MGAT1: variants seen among roughly 807,000 people sequenced by gnomAD.
The protein encoded by MGAT1 is N-glycosyl-oligosaccharide-glycoprotein N-acetylglucosaminyltransferase I.
A neutral mutation model predicts 31.7 loss-of-function variants in MGAT1; 14 were observed. The observed-to-expected ratio is 0.44, with a 90% CI of 0.29 to 0.69. The LOEUF is 0.69. Among genes scored for constraint, MGAT1 ranks in the 30% least tolerant of loss-of-function variants. The probability of loss-of-function intolerance (pLI) is 0.12; values close to 1 mark genes in which losing one functional copy is unlikely to be tolerated. For synonymous variants in MGAT1, 338 were observed against 276.0 expected, an observed-to-expected ratio of 1.22 and a Z score of -2.23; for missense variants, 557 against 626.0, an observed-to-expected ratio of 0.89 and a Z score of 1.18.
intron 1 of MGAT1, chr5:180,809,242 C>G (rs956084041): frequency 6.6e-6 from 1 of 152,142 alleles, no homozygotes; most frequent in East Asian, 1.9e-4. Flanking sequence ...ACTTAACTCA[C>G]GTATCACACG....
chr5:180,792,198 G>T lies in MGAT1; in HGVS notation c.774C>A (p.Leu258=). The T allele has an allele frequency of 6.2e-7, 1 of 1,613,118 alleles. No individual in the cohort carries two copies. The highest frequency in any genetic ancestry group is 8.5e-7 in the Non-Finnish European group (1 of 1,180,000). ...QMVDASRPEL[L]YRTDFFPGLG... ...GGCCAGGGAAAAAGTCGGTGCGGTA[G>T]AGCAGCTCAGGCCTGCTGGCGTCCA... Residue 258 remains leucine, a synonymous_variant, in exon 2 of 2, where the codon CTC becomes CTA. Coordinates refer to ENST00000307826, the MANE Select transcript of MGAT1 (RefSeq NM_002406.4).
upstream of MGAT1, chr5:180,802,980 A>G (rs1429305731): frequency 6.6e-6 from 1 of 150,398 alleles, no homozygotes; most frequent in Non-Finnish European, 1.5e-5. Context: ...CTTCTCAGTC[A>G]ACCCAGGACC....
At chr5:180,793,753 T>A (rs1394745684) in intron 1 of MGAT1, among the ~76,000 whole-genome samples, 3 of 152,188 alleles carry the variant, frequency 2.0e-5, no homozygotes, top group African/African-American at 7.2e-5. Flanking sequence ...TACTAATGGA[T>A]AGCCTTCATA....
chr5:180,797,907 A>T (rs1238053383), intron 1 of MGAT1, among the ~76,000 whole-genome samples: 1 of 118,286 alleles, frequency 8.5e-6, no homozygotes, highest in African/African-American at 3.2e-5. Context: ...CTGGGATAGG[A>T]TCCTCAGCTC....
chr5:180,799,187 T>C (rs117556387), intron 1 of MGAT1, among the ~76,000 whole-genome samples: 2 of 152,172 alleles, frequency 1.3e-5, no homozygotes, highest in African/African-American at 4.8e-5. Flanking sequence ...TCAAACTCAT[T>C]ATGATGACAT....
chr5:180,800,260 T>C (rs764773972), intron 1 of MGAT1, among the ~76,000 whole-genome samples: 2 of 152,252 alleles, frequency 1.3e-5, no homozygotes, highest in Non-Finnish European at 2.9e-5. Context: ...TCATGTCTCC[T>C]TCCTTAGTAG....
Position 180,791,937 on chromosome 5 carries a change from G to A in MGAT1, c.1035C>T (p.Asp345=), listed in dbSNP as rs1364983062. Residue 345 remains aspartate (D), a synonymous_variant, in exon 2 of 2, where the codon GAC becomes GAT. Transcript: ENST00000307826. The part of the protein sequence containing the change: ...NQQFVHFTQL[D]LSYLQREAYD... The stretch of plus-strand genomic sequence containing the variant: ...AGGCCTCCCGCTGCAGGTAAGACAG[G>A]TCCAGCTGGGTGAAGTGCACAAACT... 1 of 1,614,078 alleles carries A rather than the reference G, an allele frequency of 6.2e-7. No homozygotes were observed. Among genetic ancestry groups the A allele is most frequent in the Non-Finnish European group, 8.5e-7 (1 of 1,180,058 alleles).
Position 180,788,953 on chromosome 5 carries a change from T to A in MGAT1, c.*2681A>T, listed in dbSNP as rs928398449. ...TGCGCATGGAGCGTGGCGGCCAAAC[T>A]CCTCCTGGCTCCACCGGAAAGGGCA... On this transcript the variant is annotated 3_prime_UTR_variant, in exon 2 of 2. Transcript: ENST00000307826. The A allele has an allele frequency of 1.3e-5, 2 of 152,212 alleles. No individual in the cohort carries two copies. The highest frequency in any genetic ancestry group is 2.4e-5 in the African/African-American group (1 of 41,440). The allele number at this position is 152,212 out of a possible 1,614,324, so 9.4% of individuals were successfully genotyped here.
chr5:180,791,741 C>T lies in MGAT1; in HGVS notation c.1231G>A (p.Val411Ile), dbSNP rs773382421. The T allele has an allele frequency of 2.5e-6, 4 of 1,613,154 alleles. No individual in the cohort carries two copies. In the African/African-American group the frequency reaches 4.0e-5, roughly 16 times the overall value. ...ATACCCCGGTAGCCAGCTCTCGGAA[C>T]CCCCGACTTAAGGTCATCCATGACA... ...LGVMDDLKSG[V>I]PRAGYRGIVT... Residue 411 changes from valine (V) to isoleucine (I), a missense_variant, in exon 2 of 2, where the codon GTT becomes ATT. Physicochemically the swap from Val to Ile is conservative, Grantham distance 29. This residue lies in a region of MGAT1 where 145 missense variants were observed against 143.2 expected (regional missense o/e 1.01). Coordinates refer to ENST00000307826, the MANE Select transcript of MGAT1 (RefSeq NM_002406.4).
At chr5:180,795,515 T>C (rs183295786) in intron 1 of MGAT1, 8 of 152,294 alleles carry the variant, frequency 5.3e-5, no homozygotes, top group South Asian at 2.1e-4. Context: ...CACTGAAGTA[T>C]TGAGAAGTAG....
In MGAT1 at chr5:180,792,441, GC is replaced by G. The variant is rs1192104742; in HGVS notation, c.530del (p.Arg177ProfsTer53). ...CGATCTTGTAGTAGCCCTGGAACTT[GC>G]GGTGGTCCGGCGGCACCGCAATGCT... is the stretch of plus-strand genomic sequence containing the variant. ...LSSIAVPPDH[R>X]KFQGYYKIAR... On this transcript the variant is annotated frameshift_variant, in exon 2 of 2. Coordinates refer to ENST00000307826, the MANE Select transcript of MGAT1 (RefSeq NM_002406.4). LOFTEE classifies it high-confidence loss of function. The G allele has an allele frequency of 6.2e-7, 1 of 1,612,148 alleles. No individual in the cohort carries two copies. The highest frequency in any genetic ancestry group is 1.3e-5 in the African/African-American group (1 of 74,928).
upstream of MGAT1, among the ~76,000 whole-genome samples, chr5:180,804,310 G>A (rs1771523107): frequency 6.7e-6 from 1 of 149,008 alleles, no homozygotes; most frequent in Non-Finnish European, 1.5e-5. Context: ...GCACTCCTGT[G>A]CGCCCCCCAA....
chr5:180,794,411 T>TTTTTTTTATATATATA (rs528893463), intron 1 of MGAT1, among the ~76,000 whole-genome samples: 27 of 141,982 alleles, frequency 1.9e-4, no homozygotes, highest in African/African-American at 7.1e-4. Context: ...TTTTTTTTTA[T>TTTTTTTTATATATATA]TATATATATA....
At chr5:180,796,596 A>G (rs10464107) in intron 1 of MGAT1, among the ~76,000 whole-genome samples, 11,427 of 152,144 alleles carry the variant, frequency 0.075, 536 homozygotes, top group East Asian at 0.21. Flanking sequence ...GTGATGCACA[A>G]AAGAGTTTCA....
At chr5:180,797,470 C>CAATG (rs1345393565) in intron 1 of MGAT1, among the ~76,000 whole-genome samples, 1 of 144,684 alleles carries the variant, frequency 6.9e-6, no homozygotes, top group Non-Finnish European at 1.5e-5. Flanking sequence ...CCTGACTCAT[C>CAATG]AATGACCTGC....
At chr5:180,813,565 T>C (rs746404196) in intron 1 of MGAT1, among the ~76,000 whole-genome samples, 2 of 152,208 alleles carry the variant, frequency 1.3e-5, no homozygotes, top group African/African-American at 4.8e-5. Context: ...GCCTTCAGAA[T>C]AAACACTTAG....
chr5:180,803,105 C>G (rs1243951354), upstream of MGAT1, among the ~76,000 whole-genome samples: 1 of 152,148 alleles, frequency 6.6e-6, no homozygotes, highest in Non-Finnish European at 1.5e-5. Flanking sequence ...AGCTGCCCAG[C>G]CTGGAGCCGC....
rs937037530 is a variant in MGAT1, at chr5:180,787,008, G to C, written c.*4626C>G. 6.6e-6 allele frequency: 1 copy of C among 152,332 alleles called. No homozygotes were observed. The highest frequency in any genetic ancestry group is 2.4e-5 in the African/African-American group (1 of 41,456). The allele number at this position is 152,332 out of a possible 1,614,324, so 9.4% of individuals were successfully genotyped here. Reference sequence around the variant, plus strand: ...ATGTGGAGGGGGATTAAGTGTCGAGGGAGCCAAGGTGAACAGCAGGAAAAG... The same window carrying C: ...ATGTGGAGGGGGATTAAGTGTCGAGCGAGCCAAGGTGAACAGCAGGAAAAG... On this transcript the variant is annotated 3_prime_UTR_variant, in exon 2 of 2. Coordinates refer to ENST00000307826, the MANE Select transcript of MGAT1 (RefSeq NM_002406.4).
At chr5:180,805,997 TACAC>T, upstream of MGAT1, among the ~76,000 whole-genome samples, 1 of 152,008 alleles carries the variant, frequency 6.6e-6, no homozygotes, top group Middle Eastern at 3.4e-3. Context: ...TGAGTTAAAA[TACAC>T]ACACGGCCGG....
Sources: gnomAD v4.1 joint callset for allele counts (sites outside exome capture counted in the v4.1 genomes callset) on GRCh38, gnomAD v4.1.1 for gene constraint, gnomAD v4.1.1 regional missense constraint, MANE v1.5 for transcripts, NCBI Gene and HGNC (gene_info 2026-07-23, HGNC 2026-07-21) for gene names.